Variants in ANO2 observed in about 807,000 individuals in gnomAD.
ANO2 encodes anoctamin-2.
A neutral mutation model predicts 124.2 loss-of-function variants in ANO2; 101 were observed. That is an observed-to-expected ratio of 0.81 (90% CI 0.69 to 0.96). The LOEUF (loss-of-function observed/expected upper bound fraction) is 0.96, where lower values mean the gene tolerates loss of function less well. Among genes scored for constraint, ANO2 ranks in the 40% least tolerant of loss-of-function variants. The probability of loss-of-function intolerance (pLI) is 0.00; values close to 1 mark genes in which losing one functional copy is unlikely to be tolerated. For synonymous variants in ANO2, 486 were observed against 482.5 expected, an observed-to-expected ratio of 1.01 and a Z score of -0.09; for missense variants, 1,293 against 1,274.5, an observed-to-expected ratio of 1.01 and a Z score of -0.22.
intron 14 of ANO2, among the ~76,000 whole-genome samples, chr12:5,662,471 T>C (rs1947495584): frequency 6.6e-6 from 1 of 152,160 alleles, no homozygotes; most frequent in African/African-American, 2.4e-5. Context: ...CAATAATGAG[T>C]CTTGCCAACA....
At chr12:5,936,064 T>G (rs1323213196) in intron 1 of ANO2, among the ~76,000 whole-genome samples, 2 of 152,226 alleles carry the variant, frequency 1.3e-5, no homozygotes, top group African/African-American at 4.8e-5. Flanking sequence ...ATTCAGAGCT[T>G]TTGCTCATTT....
At chr12:5,821,820 G>A (rs567943586) in intron 7 of ANO2, among the ~76,000 whole-genome samples, 5 of 152,266 alleles carry the variant, frequency 3.3e-5, no homozygotes, top group Admixed American at 1.3e-4. Context: ...ATCATCAAAC[G>A]TAAGTGGTAT....
At chr12:5,717,673 G>T (rs1950073125) in intron 14 of ANO2, among the ~76,000 whole-genome samples, 3 of 152,142 alleles carry the variant, frequency 2.0e-5, no homozygotes, top group Non-Finnish European at 4.4e-5. Flanking sequence ...TCCAGATCTG[G>T]CCTGGATGGA....
At position 5,617,774 on chromosome 12, in the gene ANO2, C is replaced by T. The variant is rs190519889; in HGVS notation, c.1817-2477G>A. ...GCCACACTCTCCAGATCACACAGTG[C>T]CACGCTCTCTTTCCGGAAGCGTTAC... On this transcript the variant is annotated intron_variant, in intron 16 of 24. Coordinates refer to ENST00000682330, the MANE Select transcript of ANO2 (RefSeq NM_001364791.2). Among the ~76,000 whole-genome samples, 4 of 152,372 alleles carry T rather than the reference C, an allele frequency of 2.6e-5. No homozygotes were observed. The East Asian group carries it at 7.7e-4, about 29-fold the overall frequency.
At chr12:5,623,307 C>A (rs1000113431) in intron 16 of ANO2, among the ~76,000 whole-genome samples, 2 of 152,102 alleles carry the variant, frequency 1.3e-5, no homozygotes, top group Admixed American at 6.5e-5. Flanking sequence ...TAACATAGCA[C>A]CTCCGCCGGG....
At chr12:5,655,743 G>A (rs569771638) in intron 14 of ANO2, among the ~76,000 whole-genome samples, 1 of 152,312 alleles carries the variant, frequency 6.6e-6, no homozygotes, top group South Asian at 2.1e-4. Flanking sequence ...AGAAGGTTAT[G>A]GAACTCATTC....
intron 14 of ANO2, among the ~76,000 whole-genome samples, chr12:5,693,051 A>T (rs1949012576): frequency 1.3e-5 from 2 of 152,044 alleles, no homozygotes; most frequent in South Asian, 4.1e-4. Context: ...CGCATCCATC[A>T]TCATCCCATC....
chr12:5,883,895 C>T (rs7487568), intron 3 of ANO2, among the ~76,000 whole-genome samples: 58,289 of 152,044 alleles, frequency 0.38, 13,701 homozygotes, highest in South Asian at 0.58. Context: ...CCATGTGTGG[C>T]AGGAATTTCT....
intron 19 of ANO2, among the ~76,000 whole-genome samples, chr12:5,609,308 G>A (rs1378047998): frequency 6.6e-6 from 1 of 152,074 alleles, no homozygotes; most frequent in African/African-American, 2.4e-5. Flanking sequence ...TAGGCAGGGA[G>A]GTGGAGTGAG....
Position 5,670,532 on chromosome 12 carries a change from T to G in ANO2, c.1546-22731A>C, listed in dbSNP as rs147685000. ...TTTGAAATGTTCCACATGTATTAAT[T>G]TTTTAAATTTATTTATTTTAGAGAT... is the stretch of plus-strand genomic sequence containing the variant. On this transcript the variant is annotated intron_variant, in intron 14 of 24. Coordinates refer to ENST00000682330, the MANE Select transcript of ANO2 (RefSeq NM_001364791.2). Among the ~76,000 whole-genome samples, 6 of 152,302 alleles carry G rather than the reference T, an allele frequency of 3.9e-5. No homozygotes were observed. The East Asian group carries it at 1.2e-3, about 29-fold the overall frequency.
rs888539177 is a variant in ANO2 at position 5,911,589 on chromosome 12, T to C, written c.534+9451A>G. Among the ~76,000 whole-genome samples the C allele has an allele frequency of 2.0e-5, 3 of 152,186 alleles. No individual in the cohort carries two copies. In the South Asian group the frequency reaches 6.2e-4, roughly 32 times the overall value. ...GATATTTAACAACCAGCATAACACA[T>C]TGCGAATCAGGGCAGGCACCAGCCA... On this transcript the variant is annotated intron_variant, in intron 3 of 24. Transcript: ENST00000682330.
At chr12:5,566,997 GAGA>G (rs1451023153) in intron 23 of ANO2, among the ~76,000 whole-genome samples, 1 of 152,194 alleles carries the variant, frequency 6.6e-6, no homozygotes. Context: ...AGAGAGATGA[GAGA>G]AGAAGAGAAG....
At chr12:5,784,294 C>T (rs574940511) in intron 10 of ANO2, among the ~76,000 whole-genome samples, 1 of 152,312 alleles carries the variant, frequency 6.6e-6, no homozygotes, top group South Asian at 2.1e-4. Context: ...TGTCCAAGAG[C>T]CACTCTACAT....
chr12:5,848,990 T>C (rs150385824), intron 4 of ANO2, among the ~76,000 whole-genome samples: 33 of 152,320 alleles, frequency 2.2e-4, no homozygotes, highest in African/African-American at 6.7e-4. Flanking sequence ...CTCCACAATG[T>C]GTATTACTCC....
chr12:5,682,474 A>G (rs1433985230), intron 14 of ANO2, among the ~76,000 whole-genome samples: 1 of 151,986 alleles, frequency 6.6e-6, no homozygotes, highest in East Asian at 1.9e-4. Context: ...CCTGGGTAGT[A>G]ATGGGTCTGA....
intron 1 of ANO2, among the ~76,000 whole-genome samples, chr12:5,927,018 C>T (rs1054507585): frequency 6.6e-5 from 10 of 152,178 alleles, no homozygotes; most frequent in African/African-American, 2.4e-4. Flanking sequence ...AATTATCAAA[C>T]CCTACTTCAG....
chr12:5,903,503 G>C (rs2136284607), intron 3 of ANO2, among the ~76,000 whole-genome samples: 1 of 152,316 alleles, frequency 6.6e-6, no homozygotes, highest in African/African-American at 2.4e-5. Flanking sequence ...ACGGTTATAT[G>C]TCCTCTAGTG....
chr12:5,773,521 C>G (rs2137123560), intron 10 of ANO2, among the ~76,000 whole-genome samples: 1 of 152,306 alleles, frequency 6.6e-6, no homozygotes, highest in East Asian at 1.9e-4. Context: ...TGAAACAGCA[C>G]TTGCCACATG....
intron 3 of ANO2, among the ~76,000 whole-genome samples, chr12:5,855,427 G>A (rs1955068301): frequency 6.6e-6 from 1 of 152,202 alleles, no homozygotes; most frequent in African/African-American, 2.4e-5. Context: ...TTCAATGGCA[G>A]CTCCAAAATA....
Sources: allele counts gnomAD v4.1 joint callset (sites outside exome capture counted in the v4.1 genomes callset), GRCh38; gene constraint gnomAD v4.1.1; transcripts MANE v1.5; gene names NCBI Gene and HGNC (gene_info 2026-07-23, HGNC 2026-07-21).